The following TMEM101 variants were observed in gnomAD, a reference collection of about 807,000 sequenced individuals.
TMEM101 encodes putative NF-kappa-B-activating protein 130.
A neutral mutation model predicts 26.0 loss-of-function variants in TMEM101; 14 were observed. The ratio of observed to expected loss-of-function variants is 0.54; its 90% CI spans 0.36 to 0.84. TMEM101 has a LOEUF of 0.84. TMEM101 is among the 40% of genes least tolerant of loss of function. The pLI, the probability that TMEM101 is intolerant of heterozygous loss-of-function variation, is 0.01. For missense variants in TMEM101, 292 were observed against 345.1 expected (o/e 0.85, Z 1.22); for synonymous variants, 152 against 145.1 (o/e 1.05, Z -0.34).
chr17:44,014,149 A>G (rs1391593323), intron 2 of TMEM101, among the ~76,000 whole-genome samples: 1 of 152,164 alleles, frequency 6.6e-6, no homozygotes, highest in African/African-American at 2.4e-5. Flanking sequence ...TCTAGACCTC[A>G]GTTTCCACAC....
chr17:44,014,639 C>T, intron 1 of TMEM101, 102 bp from the exon 2 acceptor site: 2 of 1,518,252 alleles, frequency 1.3e-6, no homozygotes, highest in Non-Finnish European at 1.8e-6. Context: ...TCCCCCAAAC[C>T]AGACTCCCCT....
chr17:44,012,681 C>T lies in TMEM101; in HGVS notation c.465+328G>A, dbSNP rs1353752487. 9.7e-6 allele frequency: 4 copies of T among 413,086 alleles called. No homozygotes were observed. In the East Asian group the frequency reaches 1.4e-4, roughly 14 times the overall value. The allele number at this position is 413,086 out of a possible 1,614,324, so 25.6% of individuals were successfully genotyped here. On this transcript the variant is annotated intron_variant, in intron 3 of 3. Transcript: ENST00000206380. ...GGGCAGAGTCCCAGCTGGGGCCTGA[C>T]CCCCACCAAACCTCTCCTTTATCCC...
At chr17:44,017,604 A>C (rs1418638360), upstream of TMEM101, among the ~76,000 whole-genome samples, 4 of 150,250 alleles carry the variant, frequency 2.7e-5, no homozygotes, top group Admixed American at 1.3e-4. Flanking sequence ...AAAAAAAAAA[A>C]AAAAAAAAAA....
Position 44,011,970 on chromosome 17 carries a change from C to A in TMEM101, c.732G>T (p.Val244=). 2 of 1,613,886 alleles carry A rather than the reference C, an allele frequency of 1.2e-6. No homozygotes were observed. The change falls in exon 4 of 4, where the codon GTG becomes GTT. Residue 244 remains valine (V), a synonymous_variant. Coordinates refer to ENST00000206380, the MANE Select transcript of TMEM101 (RefSeq NM_032376.4). ...WNQMKLLGES[V]GIFGTAVILA... Reference sequence around the variant, plus strand: ...GGATGACAGCAGTTCCGAAGATGCCCACACTCTCTCCAAGGAGCTTCATCT... The same window carrying A: ...GGATGACAGCAGTTCCGAAGATGCCAACACTCTCTCCAAGGAGCTTCATCT...
intron 1 of TMEM101, 83 bp from the exon 2 acceptor site, chr17:44,014,620 C>A: frequency 6.5e-7 from 1 of 1,528,022 alleles, no homozygotes. Context: ...TTCCCACAGG[C>A]TCCACTGCTC....
intron 3 of TMEM101, 52 bp from the exon 4 acceptor site, chr17:44,012,288 G>T: frequency 6.5e-7 from 1 of 1,536,746 alleles, no homozygotes. Context: ...AAGCCTGTCT[G>T]GGGTAAACCA....
At chr17:44,015,153 T>G, upstream of TMEM101, 1 of 582,776 alleles carries the variant, frequency 1.7e-6, no homozygotes, top group Non-Finnish European at 2.9e-6. Flanking sequence ...GCCATATTTG[T>G]CCCTGCGAAT....
rs775190389 is a variant in TMEM101, at chr17:44,011,977, T to A, written c.725A>T (p.Glu242Val). 5 of 1,613,816 alleles carry A rather than the reference T, an allele frequency of 3.1e-6. No homozygotes were observed. The African/African-American group carries it at 6.7e-5, about 22-fold the overall frequency. ...EFWNQMKLLG[E>V]SVGIFGTAVI... is the part of the protein sequence containing the mutation. ...AGCAGTTCCGAAGATGCCCACACTC[T>A]CTCCAAGGAGCTTCATCTGGTTCCA... Residue 242 changes from glutamate (E) to valine (V), a missense_variant, in exon 4 of 4, where the codon GAG becomes GTG. Glu to Val is a moderately radical substitution (Grantham distance 121). Around this residue, in one of 2 missense-constraint regions of TMEM101, gnomAD observed 149 missense variants for 211.9 expected, o/e 0.70. Coordinates refer to ENST00000206380, the MANE Select transcript of TMEM101 (RefSeq NM_032376.4).
upstream of TMEM101, among the ~76,000 whole-genome samples, chr17:44,016,095 TTAGA>T (rs138920727): frequency 0.051 from 7,805 of 151,564 alleles, 505 homozygotes; most frequent in African/African-American, 0.16. Flanking sequence ...ACGGTGGCAA[TTAGA>T]TAGATAGATA....
At chr17:44,012,630 A>C in intron 3 of TMEM101, 1 of 401,528 alleles carries the variant, frequency 2.5e-6, no homozygotes, top group Non-Finnish European at 4.4e-6. Context: ...ATAAGTGGCT[A>C]CCCTAGAGCT....
chr17:44,014,973 T>A, upstream of TMEM101: 4 of 1,600,792 alleles, frequency 2.5e-6, no homozygotes, highest in Non-Finnish European at 3.4e-6. Context: ...GGCAGTCCGC[T>A]GCGGCCTCAC....
intron 3 of TMEM101, 74 bp from the exon 4 acceptor site, chr17:44,012,310 G>A: frequency 7.0e-7 from 1 of 1,431,882 alleles, no homozygotes. Context: ...CCCTGAGATG[G>A]CACCTGCAAA....
chr17:44,012,844 G>A (rs1597869576), intron 3 of TMEM101, 165 bp downstream of exon 3: 1 of 643,954 alleles, frequency 1.6e-6, no homozygotes, highest in African/African-American at 1.8e-5. Flanking sequence ...GCATTTGGAG[G>A]GCCCCTGAGG....
chr17:44,015,006 G>A (rs2049213675), upstream of TMEM101: 1 of 1,552,574 alleles, frequency 6.4e-7, no homozygotes, highest in Admixed American at 2.0e-5. Context: ...AGCAGGCGCG[G>A]GGATGGGACA....
At chr17:44,018,130 TAAAC>T (rs904016732), upstream of TMEM101, among the ~76,000 whole-genome samples, 117 of 151,800 alleles carry the variant, frequency 7.7e-4, no homozygotes, top group African/African-American at 2.6e-3. Context: ...ATCTCATAAA[TAAAC>T]AAACACAGTC....
At chr17:44,015,484 C>G (rs990730868), upstream of TMEM101, among the ~76,000 whole-genome samples, 1 of 152,088 alleles carries the variant, frequency 6.6e-6, no homozygotes, top group Non-Finnish European at 1.5e-5. Context: ...ACCTCCGCAA[C>G]CTGGGTTCAA....
At chr17:44,020,886 G>A (rs776473552) in intron 2 of TMEM101, among the ~76,000 whole-genome samples, 5 of 152,200 alleles carry the variant, frequency 3.3e-5, no homozygotes, top group Non-Finnish European at 5.9e-5. Flanking sequence ...TTGCAGCAGT[G>A]GCTACCCAGT....
At chr17:44,023,211 T>G (rs1389556833), upstream of TMEM101, 1 of 158,974 alleles carries the variant, frequency 6.3e-6, no homozygotes, top group Non-Finnish European at 1.4e-5. Flanking sequence ...GGGCCCTTCG[T>G]GACTGGGCTC....
chr17:44,014,654 T>A, intron 1 of TMEM101, 117 bp from the exon 2 acceptor site: 3 of 1,501,088 alleles, frequency 2.0e-6, no homozygotes, highest in South Asian at 2.5e-5. Flanking sequence ...TCCCCTCCCA[T>A]GGGCAGGACC....
Sources: gnomAD v4.1 joint callset for allele counts (sites outside exome capture counted in the v4.1 genomes callset) on GRCh38, gnomAD v4.1.1 for gene constraint, gnomAD v4.1.1 regional missense constraint, MANE v1.5 for transcripts, NCBI Gene and HGNC (gene_info 2026-07-23, HGNC 2026-07-21) for gene names.